SLIT3: variants seen among roughly 807,000 people sequenced by gnomAD.
SLIT3 encodes the protein slit guidance ligand 3.
In SLIT3, 68 loss-of-function variants were observed where a neutral mutation model predicts 184.0. That is an observed-to-expected ratio of 0.37 (90% CI 0.30 to 0.45). The LOEUF is 0.45. Ranked by LOEUF, SLIT3 falls within the 20% of genes least tolerant of loss-of-function variation. The probability of loss-of-function intolerance (pLI) is 1.00; values close to 1 mark genes in which losing one functional copy is unlikely to be tolerated. For synonymous variants in SLIT3, 831 were observed against 828.6 expected (o/e 1.00, Z -0.05); for missense variants, 1,707 against 2,026.0 (o/e 0.84, Z 3.02).
At position 168,671,376 on chromosome 5, in the gene SLIT3, C is replaced by T; in HGVS notation, c.3949G>A (p.Asp1317Asn). The T allele has an allele frequency of 6.2e-7, 1 of 1,614,174 alleles. No individual in the cohort carries two copies. The highest frequency in any genetic ancestry group is 8.5e-7 in the Non-Finnish European group (1 of 1,180,024). Reference protein sequence around the residue: ...HEVRINNELQDFKALPPQSLG... With the variant: ...HEVRINNELQNFKALPPQSLG... The stretch of plus-strand genomic sequence containing the variant: ...GACTGTGGTGGGAGGGCCTTGAAGT[C>T]CTGCAGCTCGTTGTTGATGCGCACC... Residue 1317 changes from aspartate to asparagine, a missense_variant, in exon 34 of 36, where the codon GAC (aspartate) becomes AAC (asparagine). Physicochemically the swap from Asp to Asn is conservative, Grantham distance 23. Around this residue, in one of 3 missense-constraint regions of SLIT3, gnomAD observed 387 missense variants for 477.9 expected, o/e 0.81. Transcript: ENST00000519560.
intron 26 of SLIT3, chr5:168,707,301 G>A (rs545300109): frequency 3.0e-4 from 46 of 152,706 alleles, no homozygotes; most frequent in African/African-American, 1.1e-3. Context: ...ACTTGGCACA[G>A]TCTGTACTCG....
intron 4 of SLIT3, among the ~76,000 whole-genome samples, chr5:169,092,494 T>A (rs1248227762): frequency 6.6e-6 from 1 of 152,160 alleles, no homozygotes; most frequent in Non-Finnish European, 1.5e-5. Context: ...TAGTCTACCC[T>A]CCACTCCAGA....
chr5:168,772,839 C>T lies in SLIT3; in HGVS notation c.1401G>A (p.Pro467=), dbSNP rs368821924. ...TGATGCGCTTGTTGGCGAGTCGGCGCGGGCTGCTGCAGCGGGCCCCGCTTG... is the reference window on the plus strand; with the variant it reads ...TGATGCGCTTGTTGGCGAGTCGGCGTGGGCTGCTGCAGCGGGCCCCGCTTG... The part of the protein sequence containing the change: ...IETSGARCSS[P]RRLANKRISQ... The change falls in exon 14 of 36, where the codon CCG becomes CCA. Residue 467 remains proline, a synonymous_variant. Transcript: ENST00000519560. 12 of 1,614,072 alleles carry T rather than the reference C, an allele frequency of 7.4e-6. No individual in the cohort carries two copies. The highest frequency in any genetic ancestry group is 5.0e-5 in the Admixed American group (3 of 60,008).
intron 32 of SLIT3, 142 bp downstream of exon 32, chr5:168,683,822 AGT>A: frequency 2.1e-5 from 14 of 656,716 alleles, no homozygotes; most frequent in South Asian, 4.4e-5. Flanking sequence ...GTGAGGAGGA[AGT>A]GTGTGTGTGC....
At chr5:168,916,391 A>G (rs575843182) in intron 4 of SLIT3, among the ~76,000 whole-genome samples, 1 of 152,352 alleles carries the variant, frequency 6.6e-6, no homozygotes, top group Admixed American at 6.5e-5. Flanking sequence ...TTCGCTCTGC[A>G]AGACAGAGCT....
At chr5:169,007,723 G>A (rs925544617) in intron 4 of SLIT3, among the ~76,000 whole-genome samples, 2 of 152,284 alleles carry the variant, frequency 1.3e-5, no homozygotes, top group East Asian at 1.9e-4. Flanking sequence ...TTCTTCCCGA[G>A]AGTAATCAGA....
intron 6 of SLIT3, among the ~76,000 whole-genome samples, chr5:168,842,469 G>GTTTCTTTTTTTTT (rs1758294613): frequency 1.1e-5 from 1 of 88,100 alleles, no homozygotes; most frequent in African/African-American, 4.8e-5. Flanking sequence ...CCGTTTTTTC[G>GTTTCTTTTTTTTT]TTTTTTTTTT....
intron 11 of SLIT3, among the ~76,000 whole-genome samples, chr5:168,789,189 C>T (rs931425562): frequency 1.0e-4 from 15 of 146,772 alleles, no homozygotes; most frequent in African/African-American, 3.0e-4. Flanking sequence ...CAAGGCCAAG[C>T]GGTAATAAAC....
At chr5:168,673,411 C>A in intron 32 of SLIT3, 80 bp from the exon 33 acceptor site, 1 of 1,277,744 alleles carries the variant, frequency 7.8e-7, no homozygotes. Context: ...TGGACTTGAC[C>A]TGCATTGCTT....
rs925756485 is a variant in SLIT3 at position 169,229,091 on chromosome 5, A to G, written c.341+15614T>C. On this transcript the variant is annotated intron_variant, in intron 3 of 35. Transcript: ENST00000519560. ...CACACACACAGATTGAGAGAGAGAC[A>G]GAGACAGAGAGAGAGAGAGGGAGAC... Among the ~76,000 whole-genome samples, 9 of 152,190 alleles carry G rather than the reference A, an allele frequency of 5.9e-5. No individual in the cohort carries two copies. In the South Asian group the frequency reaches 8.3e-4, roughly 14 times the overall value.
chr5:169,168,884 C>T (rs996406325), intron 4 of SLIT3, among the ~76,000 whole-genome samples: 3 of 151,878 alleles, frequency 2.0e-5, no homozygotes, highest in Non-Finnish European at 2.9e-5. Context: ...CTGGCATTGG[C>T]CAGTGGCCAG....
At chr5:168,760,961 T>C in intron 15 of SLIT3, 25 bp from the exon 16 acceptor site, 1 of 1,585,756 alleles carries the variant, frequency 6.3e-7, no homozygotes, top group Non-Finnish European at 8.7e-7. Context: ...AGATGAGTGG[T>C]AGGTTAGCTG....
intron 5 of SLIT3, among the ~76,000 whole-genome samples, chr5:168,850,874 A>G (rs1758643343): frequency 1.3e-5 from 2 of 152,252 alleles, no homozygotes; most frequent in Admixed American, 1.3e-4. Flanking sequence ...ACAAAGAGGC[A>G]CACCAGACCT....
intron 16 of SLIT3, among the ~76,000 whole-genome samples, chr5:168,755,602 T>C (rs1456551318): frequency 6.6e-6 from 1 of 151,620 alleles, no homozygotes; most frequent in African/African-American, 2.4e-5. Flanking sequence ...GCCCTGCTAA[T>C]TTTTTGTATT....
chr5:169,028,042 C>T (rs1756892130), intron 4 of SLIT3, among the ~76,000 whole-genome samples: 1 of 152,068 alleles, frequency 6.6e-6, no homozygotes, highest in South Asian at 2.1e-4. Flanking sequence ...AAGGAAGCTG[C>T]CTCTGGTCAG....
At chr5:168,764,470 C>T (rs1755263354) in intron 14 of SLIT3, among the ~76,000 whole-genome samples, 1 of 152,102 alleles carries the variant, frequency 6.6e-6, no homozygotes, top group African/African-American at 2.4e-5. Flanking sequence ...AAAGGTTTTC[C>T]CAGGTCCCTG....
At chr5:168,747,897 G>A (rs1008575257) in intron 20 of SLIT3, among the ~76,000 whole-genome samples, 5 of 152,130 alleles carry the variant, frequency 3.3e-5, no homozygotes, top group African/African-American at 1.2e-4. Flanking sequence ...GTGCCCGCTG[G>A]ACAATGTTTT....
intron 20 of SLIT3, among the ~76,000 whole-genome samples, chr5:168,738,937 CAA>C (rs34133933): frequency 5.8e-4 from 49 of 84,294 alleles, no homozygotes; most frequent in African/African-American, 1.1e-3. Context: ...GACTCCATCT[CAA>C]AAAAAAAAAA....
chr5:168,670,699 G>GTGTT (rs1010215872), intron 34 of SLIT3, among the ~76,000 whole-genome samples: 22 of 152,176 alleles, frequency 1.4e-4, no homozygotes, highest in African/African-American at 5.1e-4. Context: ...GTTGGCTCTG[G>GTGTT]TGTTAGTTTT....
Sources: allele counts gnomAD v4.1 joint callset (sites outside exome capture counted in the v4.1 genomes callset), GRCh38; gene constraint gnomAD v4.1.1; regional missense constraint gnomAD v4.1.1; transcripts MANE v1.5; gene names NCBI Gene and HGNC (gene_info 2026-07-23, HGNC 2026-07-21).